APPL1: variants seen among roughly 807,000 people sequenced by gnomAD.
The protein encoded by APPL1 is adaptor protein, phosphotyrosine interacting with PH domain and leucine zipper 1.
A neutral mutation model predicts 106.8 loss-of-function variants in APPL1; 42 were observed. The ratio of observed to expected loss-of-function variants is 0.39; its 90% CI spans 0.31 to 0.51. APPL1 has a LOEUF of 0.51. APPL1 is among the 20% of genes least tolerant of loss of function. APPL1 has a pLI of 0.75. For synonymous variants in APPL1, 263 were observed against 281.8 expected, an observed-to-expected ratio of 0.93 and a Z score of 0.67; for missense variants, 769 against 858.2, an observed-to-expected ratio of 0.90 and a Z score of 1.30.
intron 4 of APPL1, 174 bp downstream of exon 4, chr3:57,238,290 T>C (rs1239683471): frequency 3.9e-6 from 2 of 516,140 alleles, no homozygotes; most frequent in Admixed American, 3.7e-5. Context: ...TGATTAAACA[T>C]TGTTTTCCAG....
At chr3:57,268,025 G>A (rs532454137) in intron 20 of APPL1, 75 of 533,798 alleles carry the variant, frequency 1.4e-4, no homozygotes, top group Non-Finnish European at 2.1e-4. Context: ...TCCGGGAGGC[G>A]GAGGTTGCAA....
At chr3:57,254,101 G>A (rs2060821329) in intron 13 of APPL1, among the ~76,000 whole-genome samples, 1 of 152,214 alleles carries the variant, frequency 6.6e-6, no homozygotes, top group South Asian at 2.1e-4. Context: ...GTCCTCAGGT[G>A]ATCTGGCCAT....
intron 13 of APPL1, among the ~76,000 whole-genome samples, chr3:57,254,504 G>A (rs2060824612): frequency 6.6e-6 from 1 of 152,232 alleles, no homozygotes; most frequent in Non-Finnish European, 1.5e-5. Context: ...GCTCTGTGGA[G>A]ATGGTGGAAA....
rs190789228 is a variant in APPL1 at position 57,262,331 on chromosome 3, G to A, written c.1842+1557G>A. Among the ~76,000 whole-genome samples the A allele has an allele frequency of 1.0e-4, 15 of 147,518 alleles. No individual in the cohort carries two copies. The East Asian group carries it at 2.8e-3, about 27-fold the overall frequency. ...AAATCTTTGCCGAGACCAATGTGCAGGAGAGTTTTCCCTTCATTTTCTTCT... is the reference window on the plus strand; with the variant it reads ...AAATCTTTGCCGAGACCAATGTGCAAGAGAGTTTTCCCTTCATTTTCTTCT... On this transcript the variant is annotated intron_variant, in intron 19 of 21. Coordinates refer to ENST00000288266, the MANE Select transcript of APPL1 (RefSeq NM_012096.3).
intron 4 of APPL1, 81 bp from the exon 5 acceptor site, chr3:57,240,384 A>T: frequency 9.3e-7 from 1 of 1,078,588 alleles, no homozygotes. Context: ...AACCATTTTT[A>T]CTAGATTATG....
At position 57,268,045 on chromosome 3, in the gene APPL1, A is replaced by G. The variant is rs534641893; in HGVS notation, c.1893+253A>G. The G allele has an allele frequency of 2.4e-5, 13 of 539,570 alleles. No homozygotes were observed. The East Asian group carries it at 4.1e-4, about 17-fold the overall frequency. 33.4% of individuals were successfully genotyped at this position (539,570 alleles called of 1,614,324 possible). On this transcript the variant is annotated intron_variant, in intron 20 of 21. Coordinates refer to ENST00000288266, the MANE Select transcript of APPL1 (RefSeq NM_012096.3). ...GAGGCGGAGGTTGCAATGAGCCGAGATCACACCACTGCACTCCAGCCTGGG... is the reference window on the plus strand; with the variant it reads ...GAGGCGGAGGTTGCAATGAGCCGAGGTCACACCACTGCACTCCAGCCTGGG...
rs759566122 is a variant in APPL1, at chr3:57,237,457, C to T, written c.154-35C>T. On this transcript the variant is annotated intron_variant, in intron 2 of 21. Coordinates refer to ENST00000288266, the MANE Select transcript of APPL1 (RefSeq NM_012096.3). ...ATTAGAAAAAACTAAAACTTTTTTC[C>T]CAGTAATATGCTAATTTGAATGCTT... The T allele has an allele frequency of 3.3e-6, 5 of 1,515,490 alleles. No homozygotes were observed. The African/African-American group carries it at 7.0e-5, about 21-fold the overall frequency. The allele number at this position is 1,515,490 out of a possible 1,614,324, so 93.9% of individuals were successfully genotyped here. A position where few individuals can be genotyped will look rare whatever the true frequency, so the allele number is the denominator to read the frequency against.
rs368162592 is a variant in APPL1 at position 57,268,494 on chromosome 3, A to G, written c.1983+7A>G. 1.0e-4 allele frequency: 165 copies of G among 1,584,180 alleles called. 3 individuals carry two copies. Among genetic ancestry groups the G allele is most frequent in the South Asian group, 6.3e-4 (54 of 86,094 alleles). ...ACAAAAACAGATTGAAAAGGTATAC[A>G]GTCCTAATGTCTGGATCTTTATGTG... On this transcript the variant is annotated splice_region_variant and intron_variant, in intron 21 of 21. Transcript: ENST00000288266.
At chr3:57,245,203 G>A (rs1425208876) in intron 7 of APPL1, among the ~76,000 whole-genome samples, 9 of 152,112 alleles carry the variant, frequency 5.9e-5, no homozygotes, top group African/African-American at 1.9e-4. Context: ...AATATTCTTC[G>A]TACTTGAGGA....
In APPL1 at chr3:57,240,479, T is replaced by C; in HGVS notation, c.300T>C (p.His100=). The change falls in exon 5 of 22, where the codon CAT becomes CAC. Residue 100 remains histidine, a synonymous_variant. Coordinates refer to ENST00000288266, the MANE Select transcript of APPL1 (RefSeq NM_012096.3). ...SKVIDELSSC[H]AVLSTQLADA... ...TCTTTTTCTAGCTTAGCTCTTGTCA[T>C]GCAGTGCTTTCAACTCAACTTGCTG... 6.2e-7 allele frequency: 1 copy of C among 1,613,870 alleles called. No individual in the cohort carries two copies. The highest frequency in any genetic ancestry group is 8.5e-7 in the Non-Finnish European group (1 of 1,179,820).
chr3:57,265,736 C>CT (rs1000009301), intron 19 of APPL1, among the ~76,000 whole-genome samples: 1 of 151,986 alleles, frequency 6.6e-6, no homozygotes, highest in Non-Finnish European at 1.5e-5. Context: ...ATTTGGATGC[C>CT]TTTTTTCCTC....
chr3:57,247,890 G>A (rs1235859014), intron 9 of APPL1, among the ~76,000 whole-genome samples: 1 of 152,184 alleles, frequency 6.6e-6, no homozygotes, highest in Admixed American at 6.5e-5. Flanking sequence ...TCAGTCCACG[G>A]TATGGAGAGA....
At chr3:57,233,480 T>C (rs190265716) in intron 1 of APPL1, among the ~76,000 whole-genome samples, 328 of 151,618 alleles carry the variant, frequency 2.2e-3, no homozygotes, top group African/African-American at 6.9e-3. Flanking sequence ...GAATTACCCA[T>C]TTTTAGAAAA....
rs527343079 is a variant in APPL1, at chr3:57,250,868, C to A, written c.1052+1320C>A. Among the ~76,000 whole-genome samples the A allele has an allele frequency of 5.5e-3, 728 of 132,104 alleles. 9 individuals carry two copies. The highest frequency in any genetic ancestry group is 0.019 in the African/African-American group (700 of 36,076). The allele number at this position is 132,104 out of a possible 152,430, so 86.7% of individuals were successfully genotyped here. ...TGTCGCCCAGGCTGGAGTGCAGTGG[C>A]GCGATCTCGGCTCACTGCAAGCTCC... On this transcript the variant is annotated intron_variant, in intron 11 of 21. Transcript: ENST00000288266.
chr3:57,231,809 TAAAA>T (rs375775370), intron 1 of APPL1, among the ~76,000 whole-genome samples: 4 of 132,346 alleles, frequency 3.0e-5, no homozygotes, highest in East Asian at 4.3e-4. Flanking sequence ...CTTTGGCTCT[TAAAA>T]AAAAAAAAAA....
At chr3:57,236,474 A>T (rs914335141) in intron 2 of APPL1, among the ~76,000 whole-genome samples, 35 of 150,948 alleles carry the variant, frequency 2.3e-4, no homozygotes, top group Admixed American at 1.9e-3. Flanking sequence ...AACTACAGGC[A>T]TGCACTACTA....
At chr3:57,251,555 T>C (rs1160740482) in intron 11 of APPL1, among the ~76,000 whole-genome samples, 2 of 150,632 alleles carry the variant, frequency 1.3e-5, no homozygotes, top group African/African-American at 2.4e-5. Context: ...ATACTATAGC[T>C]CACTATCCTT....
chr3:57,268,605 A>G, intron 21 of APPL1, 118 bp downstream of exon 21: 1 of 1,195,400 alleles, frequency 8.4e-7, no homozygotes, highest in Non-Finnish European at 1.1e-6. Flanking sequence ...CAGCCACTTC[A>G]TAAACAGATG....
rs1188336140 is a variant in APPL1, at chr3:57,270,476, T to G, written c.*789T>G. 1 of 152,620 alleles carries G rather than the reference T, an allele frequency of 6.6e-6. No homozygotes were observed. The highest frequency in any genetic ancestry group is 1.5e-5 in the Non-Finnish European group (1 of 68,026). 9.5% of individuals were successfully genotyped at this position (152,620 alleles called of 1,614,324 possible). ...TATTAAAAGATTTTTGTTCAATACATTTTAGATTAGGATTGACAAGTAAAG... is the reference window on the plus strand; with the variant it reads ...TATTAAAAGATTTTTGTTCAATACAGTTTAGATTAGGATTGACAAGTAAAG... On this transcript the variant is annotated 3_prime_UTR_variant, in exon 22 of 22. Transcript: ENST00000288266.
Sources: gnomAD v4.1 joint callset for allele counts (sites outside exome capture counted in the v4.1 genomes callset) on GRCh38, gnomAD v4.1.1 for gene constraint, MANE v1.5 for transcripts, NCBI Gene and HGNC (gene_info 2026-07-23, HGNC 2026-07-21) for gene names.